The following PSMD11 variants were observed in gnomAD, a reference collection of about 807,000 sequenced individuals.
The protein encoded by PSMD11 is proteasome 26S subunit, non-ATPase 11.
A neutral mutation model predicts 62.3 loss-of-function variants in PSMD11; 5 were observed. The ratio of observed to expected loss-of-function variants is 0.08; its 90% CI spans 0.04 to 0.17. The LOEUF (loss-of-function observed/expected upper bound fraction) is 0.17, where lower values mean the gene tolerates loss of function less well. PSMD11 is among the 10% of genes least tolerant of loss of function. PSMD11 has a pLI of 1.00. For synonymous variants in PSMD11, 191 were observed against 191.8 expected (o/e 1.00, Z 0.03); for missense variants, 310 against 512.9 (o/e 0.60, Z 3.82).
At chr17:32,472,060 G>C (rs1335837025) in intron 6 of PSMD11, among the ~76,000 whole-genome samples, 1 of 152,036 alleles carries the variant, frequency 6.6e-6, no homozygotes, top group Non-Finnish European at 1.5e-5. Flanking sequence ...TAGAGATGGG[G>C]TTTCACCCTG....
At chr17:32,476,624 A>G (rs1255274440) in intron 8 of PSMD11, 1 of 152,234 alleles carries the variant, frequency 6.6e-6, no homozygotes, top group Non-Finnish European at 1.5e-5. Flanking sequence ...TCTCCCAGAA[A>G]GATGAGTGTT....
At chr17:32,469,549 G>A (rs1908099242) in intron 6 of PSMD11, among the ~76,000 whole-genome samples, 1 of 152,198 alleles carries the variant, frequency 6.6e-6, no homozygotes, top group African/African-American at 2.4e-5. Context: ...TCTTTGTAAA[G>A]TTGGTTGACT....
chr17:32,479,681 C>A, intron 10 of PSMD11, 170 bp from the exon 11 acceptor site: 1 of 766,424 alleles, frequency 1.3e-6, no homozygotes, highest in Non-Finnish European at 2.2e-6. Flanking sequence ...TTGTGTGTAG[C>A]AGTGAAGGGC....
At chr17:32,468,961 C>T (rs1597839214) in intron 5 of PSMD11, 38 bp from the exon 6 acceptor site, 5 of 1,582,748 alleles carry the variant, frequency 3.2e-6, no homozygotes, top group Middle Eastern at 1.7e-4. Flanking sequence ...AGGTATTAAG[C>T]TGATGGCTAT....
At chr17:32,472,541 CTT>C (rs1304090257) in intron 6 of PSMD11, among the ~76,000 whole-genome samples, 11 of 138,860 alleles carry the variant, frequency 7.9e-5, no homozygotes, top group Admixed American at 7.3e-5. Flanking sequence ...TGCCTGACCT[CTT>C]TTTTTTTTTT....
chr17:32,479,472 G>A, intron 10 of PSMD11, 96 bp downstream of exon 10: 1 of 1,495,802 alleles, frequency 6.7e-7, no homozygotes, highest in South Asian at 1.3e-5. Flanking sequence ...ACTTCTAGGG[G>A]TGTGCCTGGT....
chr17:32,447,070 T>C (rs2150827560), intron 2 of PSMD11, 24 bp downstream of exon 2: 1 of 1,516,916 alleles, frequency 6.6e-7, no homozygotes, highest in Non-Finnish European at 9.1e-7. Context: ...ATGGATTGTA[T>C]CTGAAATGCT....
At chr17:32,479,649 G>A (rs374207777) in intron 10 of PSMD11, 56 of 711,928 alleles carry the variant, frequency 7.9e-5, no homozygotes, top group Non-Finnish European at 1.1e-4. Context: ...TGTATTGGGT[G>A]TGTGGGATAA....
intron 1 of PSMD11, chr17:32,446,062 A>G (rs182451254): frequency 6.6e-6 from 1 of 152,176 alleles, no homozygotes. Context: ...AATTACGTCA[A>G]ATATTACAAT....
intron 4 of PSMD11, 143 bp from the exon 5 acceptor site, chr17:32,464,378 T>A (rs1438020986): frequency 1.4e-6 from 1 of 736,582 alleles, no homozygotes; most frequent in Non-Finnish European, 2.2e-6. Context: ...GACAATACAT[T>A]GGCTAGATCG....
At chr17:32,477,663 T>A in intron 9 of PSMD11, 80 bp downstream of exon 9, 1 of 1,299,648 alleles carries the variant, frequency 7.7e-7, no homozygotes, top group South Asian at 1.3e-5. Context: ...CTTTTAAAAA[T>A]AATTATAGTT....
chr17:32,452,368 C>A (rs1386070218), intron 2 of PSMD11, among the ~76,000 whole-genome samples: 2 of 152,032 alleles, frequency 1.3e-5, no homozygotes, highest in Non-Finnish European at 2.9e-5. Context: ...TAACTGTATC[C>A]AAAACATGTT....
chr17:32,474,548 T>C (rs902771678), intron 7 of PSMD11, among the ~76,000 whole-genome samples: 20 of 152,194 alleles, frequency 1.3e-4, no homozygotes, highest in Non-Finnish European at 2.1e-4. Flanking sequence ...CTTTCTAACA[T>C]TGGAGTTTTT....
At chr17:32,477,483 GAATA>G in intron 8 of PSMD11, 34 bp from the exon 9 acceptor site, 1 of 1,553,406 alleles carries the variant, frequency 6.4e-7, no homozygotes, top group Non-Finnish European at 8.8e-7. Flanking sequence ...TTAGTGTGCA[GAATA>G]AATCGCTTTC....
At chr17:32,461,386 A>G (rs1280680011) in intron 3 of PSMD11, among the ~76,000 whole-genome samples, 1 of 151,944 alleles carries the variant, frequency 6.6e-6, no homozygotes, top group East Asian at 1.9e-4. Flanking sequence ...CCACAATAGC[A>G]CGTTTTAAGA....
chr17:32,473,892 C>A lies in PSMD11; in HGVS notation c.735C>A (p.Pro245=). The change falls in exon 7 of 14, where the codon CCC becomes CCA. Residue 245 remains proline (P), a synonymous_variant. Coordinates refer to ENST00000261712, the MANE Select transcript of PSMD11 (RefSeq NM_002815.4). ...AFEGYDSIDS[P]KAITSLKYML... is the part of the protein sequence containing the mutation. ...AGGGTTATGACTCCATCGACAGCCCCAAGGCCATCACATCTCTGAAGTACA... is the reference window on the plus strand; with the variant it reads ...AGGGTTATGACTCCATCGACAGCCCAAAGGCCATCACATCTCTGAAGTACA... The A allele has an allele frequency of 6.2e-7, 1 of 1,614,210 alleles. No homozygotes were observed. Among genetic ancestry groups the A allele is most frequent in the Non-Finnish European group, 8.5e-7 (1 of 1,180,026 alleles).
intron 1 of PSMD11, 141 bp from the exon 2 acceptor site, chr17:32,446,804 G>GTTTTT: frequency 5.8e-6 from 2 of 343,824 alleles, no homozygotes; most frequent in Non-Finnish European, 5.2e-6. Flanking sequence ...CTGGCTTAGA[G>GTTTTT]TTTTTTTTTT....
Position 32,464,066 on chromosome 17 carries a change from G to A in PSMD11, c.336G>A (p.Glu112=), listed in dbSNP as rs146863808. The A allele has an allele frequency of 3.3e-4, 535 of 1,614,114 alleles. 1 individual carries two copies. Among genetic ancestry groups the A allele is most frequent in the Middle Eastern group, 1.5e-3 (9 of 6,062 alleles). Residue 112 remains glutamate (E), a synonymous_variant, in exon 4 of 14, where the codon GAG becomes GAA. Coordinates refer to ENST00000261712, the MANE Select transcript of PSMD11 (RefSeq NM_002815.4). ...ATGQEVELCL[E]CIEWAKSEKR... is the part of the protein sequence containing the mutation. ...TATTGCAGGTCGAGCTGTGTTTAGA[G>A]TGCATCGAATGGGCCAAGTCAGAGA...
rs533799228 is a variant in PSMD11 at position 32,478,804 on chromosome 17, A to T, written c.913-447A>T. On this transcript the variant is annotated intron_variant, in intron 9 of 13. Coordinates refer to ENST00000261712, the MANE Select transcript of PSMD11 (RefSeq NM_002815.4). ...TGTAGCTAATTTGGTTCATGAGCTG[A>T]GTTGCTCTTGGGGCTTACATGGTTT... is the stretch of plus-strand genomic sequence containing the variant. Among the ~76,000 whole-genome samples, 257 of 152,234 alleles carry T rather than the reference A, an allele frequency of 1.7e-3. 1 individual carries two copies. Among genetic ancestry groups the T allele is most frequent in the Non-Finnish European group, 3.1e-3 (208 of 68,018 alleles).
Sources: allele counts gnomAD v4.1 joint callset (sites outside exome capture counted in the v4.1 genomes callset), GRCh38; gene constraint gnomAD v4.1.1; transcripts MANE v1.5; gene names NCBI Gene and HGNC (gene_info 2026-07-23, HGNC 2026-07-21).